AAGAB: variants seen among roughly 807,000 people sequenced by gnomAD.
The protein encoded by AAGAB is alpha- and gamma-adaptin-binding protein p34.
A neutral mutation model predicts 44.1 loss-of-function variants in AAGAB; 38 were observed. That is an observed-to-expected ratio of 0.86 (90% CI 0.67 to 1.13). The LOEUF is 1.13. AAGAB is among the 50% of genes most tolerant of loss of function. The probability of loss-of-function intolerance (pLI) is 0.00; values close to 1 mark genes in which losing one functional copy is unlikely to be tolerated. For missense variants in AAGAB, 450 were observed against 373.8 expected, an observed-to-expected ratio of 1.20 and a Z score of -1.68; for synonymous variants, 131 against 131.8, an observed-to-expected ratio of 0.99 and a Z score of 0.04.
chr15:67,222,452 C>G (rs1443253569), intron 5 of AAGAB, among the ~76,000 whole-genome samples: 1 of 152,034 alleles, frequency 6.6e-6, no homozygotes, highest in East Asian at 1.9e-4. Flanking sequence ...CTAACGCTAC[C>G]TCCTCCCTTC....
At chr15:67,207,011 G>A (rs1567014366) in intron 7 of AAGAB, among the ~76,000 whole-genome samples, 1 of 152,188 alleles carries the variant, frequency 6.6e-6, no homozygotes, top group South Asian at 2.1e-4. Context: ...CAGAAACCCC[G>A]TCTCTACTAA....
chr15:67,252,211 G>T (rs990493392), intron 1 of AAGAB, among the ~76,000 whole-genome samples: 1 of 152,192 alleles, frequency 6.6e-6, no homozygotes, highest in African/African-American at 2.4e-5. Flanking sequence ...CATGTTTGCC[G>T]ATTGGGATCA....
At chr15:67,243,001 A>C (rs1964639316) in intron 1 of AAGAB, 1 of 152,152 alleles carries the variant, frequency 6.6e-6, no homozygotes, top group African/African-American at 2.4e-5. Context: ...CATGCTCGTA[A>C]GCTTTTTATA....
chr15:67,219,962 C>T (rs571010888), intron 5 of AAGAB, among the ~76,000 whole-genome samples: 9 of 152,096 alleles, frequency 5.9e-5, no homozygotes, highest in Non-Finnish European at 1.2e-4. Context: ...AACAAAAAGA[C>T]ATTAACAGCA....
intron 8 of AAGAB, 53 bp downstream of exon 8, chr15:67,203,991 A>C: frequency 8.7e-7 from 1 of 1,143,334 alleles, no homozygotes; most frequent in Non-Finnish European, 1.3e-6. Context: ...GCTACTACGT[A>C]AAACAGACAA....
intron 4 of AAGAB, among the ~76,000 whole-genome samples, 174 bp downstream of exon 4, chr15:67,235,805 A>G (rs1162813271): frequency 6.6e-6 from 1 of 152,262 alleles, no homozygotes; most frequent in Non-Finnish European, 1.5e-5. Context: ...AACCAAAAAA[A>G]TGAATTATTA....
intron 1 of AAGAB, among the ~76,000 whole-genome samples, chr15:67,253,037 A>G (rs184826186): frequency 5.9e-5 from 9 of 152,346 alleles, no homozygotes; most frequent in African/African-American, 2.2e-4. Flanking sequence ...AATGTGCCTT[A>G]ATAATAATGT....
upstream of AAGAB, chr15:67,254,731 C>T: frequency 1.4e-6 from 2 of 1,383,226 alleles, no homozygotes; most frequent in South Asian, 2.5e-5. Context: ...AGGGCGTTCT[C>T]GGAATGACCA....
chr15:67,235,142 GCC>G (rs1425322316), intron 4 of AAGAB, among the ~76,000 whole-genome samples: 6 of 152,138 alleles, frequency 3.9e-5, no homozygotes, highest in Non-Finnish European at 8.8e-5. Flanking sequence ...CTCACTACAA[GCC>G]CAGGACCTTT....
chr15:67,210,175 A>G (rs1025219513), intron 5 of AAGAB, among the ~76,000 whole-genome samples: 3 of 152,228 alleles, frequency 2.0e-5, no homozygotes, highest in African/African-American at 7.2e-5. Flanking sequence ...CAAGGCATTC[A>G]TATCAGGTGA....
At chr15:67,223,721 T>C (rs1964136621) in intron 5 of AAGAB, among the ~76,000 whole-genome samples, 1 of 152,160 alleles carries the variant, frequency 6.6e-6, no homozygotes, top group Non-Finnish European at 1.5e-5. Flanking sequence ...TTCAACAACC[T>C]GCAACAGTCC....
chr15:67,251,015 A>G (rs1171092835), intron 1 of AAGAB, among the ~76,000 whole-genome samples: 4 of 152,228 alleles, frequency 2.6e-5, no homozygotes, highest in South Asian at 2.1e-4. Flanking sequence ...CAACAGAGTG[A>G]GACTCCGTCT....
upstream of AAGAB, chr15:67,255,148 C>A: frequency 1.6e-6 from 1 of 611,386 alleles, no homozygotes. Flanking sequence ...CTGTAGGTTA[C>A]GCCCCAGAAG....
At chr15:67,254,755 C>A, upstream of AAGAB, 1 of 1,333,650 alleles carries the variant, frequency 7.5e-7, no homozygotes, top group South Asian at 1.3e-5. Flanking sequence ...TGGCCTGACC[C>A]CGCCCCTAGA....
chr15:67,250,912 A>C (rs893578000), intron 1 of AAGAB, among the ~76,000 whole-genome samples: 2 of 152,190 alleles, frequency 1.3e-5, no homozygotes, highest in African/African-American at 4.8e-5. Context: ...CTGTAGTCCC[A>C]GCTACTCAGG....
chr15:67,208,448 C>T, intron 7 of AAGAB, 114 bp downstream of exon 7: 1 of 826,754 alleles, frequency 1.2e-6, no homozygotes, highest in Non-Finnish European at 2.0e-6. Context: ...GGTATACTAC[C>T]AATTTTTTTC....
chr15:67,204,219 C>T (rs1241365482), intron 7 of AAGAB, 71 bp from the exon 8 acceptor site: 1 of 1,064,948 alleles, frequency 9.4e-7, no homozygotes, highest in Non-Finnish European at 1.4e-6. Flanking sequence ...AATCCTAAGG[C>T]AAATGCTAAC....
intron 1 of AAGAB, among the ~76,000 whole-genome samples, chr15:67,243,042 G>A (rs758005825): frequency 6.6e-6 from 1 of 152,116 alleles, no homozygotes. Flanking sequence ...AGCTGAAGCA[G>A]AGGAAATCCA....
intron 5 of AAGAB, among the ~76,000 whole-genome samples, chr15:67,219,195 T>C (rs1012316057): frequency 3.3e-5 from 5 of 152,192 alleles, no homozygotes; most frequent in Non-Finnish European, 7.3e-5. Context: ...TAAGACATTT[T>C]CCCCCTAATT....
Sources: gnomAD v4.1 joint callset for allele counts (sites outside exome capture counted in the v4.1 genomes callset) on GRCh38, gnomAD v4.1.1 for gene constraint, MANE v1.5 for transcripts, NCBI Gene and HGNC (gene_info 2026-07-23, HGNC 2026-07-21) for gene names.